The following JPH2 variants were observed in gnomAD, a reference collection of about 807,000 sequenced individuals.
JPH2 encodes junctophilin 2, also known as junctophilin-2.
In JPH2, 38 loss-of-function variants were observed where a neutral mutation model predicts 55.9. The observed-to-expected ratio is 0.68, with a 90% CI of 0.52 to 0.89. The LOEUF is 0.89. Ranked by LOEUF, JPH2 falls within the 40% of genes least tolerant of loss-of-function variation. The probability of loss-of-function intolerance (pLI) is 0.00; values close to 1 mark genes in which losing one functional copy is unlikely to be tolerated. For synonymous variants in JPH2, 480 were observed against 472.4 expected (o/e 1.02, Z -0.21); for missense variants, 964 against 1,037.6 (o/e 0.93, Z 0.97).
rs778483216 is a variant in JPH2, at chr20:44,186,358, G to A, written c.348C>T (p.Asp116=). ...YEGTWNNGLQ[D]GYGTETYADG... ...CAGCATAGGTCTCGGTGCCATAGCC[G>A]TCTTGCAGGCCATTGTTCCAGGTGC... The change falls in exon 1 of 6, where the codon GAC becomes GAT. Residue 116 remains aspartate (D), a synonymous_variant. Coordinates refer to ENST00000372980, the MANE Select transcript of JPH2 (RefSeq NM_020433.5). 1.9e-6 allele frequency: 3 copies of A among 1,611,456 alleles called. No homozygotes were observed. The highest frequency in any genetic ancestry group is 1.3e-5 in the African/African-American group (1 of 74,406).
At chr20:44,175,896 C>G (rs1208380441) in intron 1 of JPH2, among the ~76,000 whole-genome samples, 1 of 152,186 alleles carries the variant, frequency 6.6e-6, no homozygotes, top group Non-Finnish European at 1.5e-5. Flanking sequence ...AAAGGAGACC[C>G]ACCTACCTGT....
chr20:44,141,922 T>C (rs1050147487), intron 2 of JPH2, among the ~76,000 whole-genome samples: 1 of 152,198 alleles, frequency 6.6e-6, no homozygotes, highest in Admixed American at 6.5e-5. Flanking sequence ...CTTCTGGTTT[T>C]AGCAAATCCA....
At position 44,116,113 on chromosome 20, in the gene JPH2, C is replaced by T. The variant is rs1057524375; in HGVS notation, c.1562G>A (p.Ser521Asn). The change falls in exon 4 of 6, where the codon AGC becomes AAC. Residue 521 changes from serine to asparagine, a missense_variant. Ser to Asn is a conservative substitution (Grantham distance 46, BLOSUM62 1). Coordinates refer to ENST00000372980, the MANE Select transcript of JPH2 (RefSeq NM_020433.5). ...GCCCTCGGACGGAGTGACTGACCGG[C>T]TGCCCTCACCGCTGGGCTCGCCGTT... is the stretch of plus-strand genomic sequence containing the variant. ...AWNGEPSGEG[S>N]RSVTPSEGAG... 3 of 1,474,842 alleles carry T rather than the reference C, an allele frequency of 2.0e-6. No homozygotes were observed. The highest frequency in any genetic ancestry group is 2.7e-6 in the Non-Finnish European group (3 of 1,124,404). 91.4% of individuals were successfully genotyped at this position (1,474,842 alleles called of 1,614,324 possible). A position where few individuals can be genotyped will look rare whatever the true frequency, so the allele number is the denominator to read the frequency against.
rs1289294595 is a variant in JPH2 at position 44,186,356 on chromosome 20, C to T, written c.350G>A (p.Gly117Asp). The change falls in exon 1 of 6, where the codon GGC becomes GAC. Residue 117 changes from glycine (G) to aspartate (D), a missense_variant. By Grantham distance (94) the Gly-to-Asp change is moderately conservative. Coordinates refer to ENST00000372980, the MANE Select transcript of JPH2 (RefSeq NM_020433.5). ...EGTWNNGLQD[G>D]YGTETYADGG... ...ATCAGCATAGGTCTCGGTGCCATAGCCGTCTTGCAGGCCATTGTTCCAGGT... is the reference window on the plus strand; with the variant it reads ...ATCAGCATAGGTCTCGGTGCCATAGTCGTCTTGCAGGCCATTGTTCCAGGT... 8 of 1,612,474 alleles carry T rather than the reference C, an allele frequency of 5.0e-6. No individual in the cohort carries two copies. Among genetic ancestry groups the T allele is most frequent in the Non-Finnish European group, 6.8e-6 (8 of 1,179,890 alleles).
At chr20:44,141,931 C>T (rs1295384743) in intron 2 of JPH2, among the ~76,000 whole-genome samples, 3 of 152,190 alleles carry the variant, frequency 2.0e-5, no homozygotes, top group Non-Finnish European at 4.4e-5. Context: ...TTAGCAAATC[C>T]AAAAGGCAAA....
intron 1 of JPH2, among the ~76,000 whole-genome samples, chr20:44,164,911 C>T (rs555930113): frequency 6.0e-5 from 9 of 150,156 alleles, no homozygotes; most frequent in African/African-American, 2.2e-4. Context: ...AATCTTGGCT[C>T]GCTGCAACCT....
In JPH2 at chr20:44,160,360, C is replaced by G; in HGVS notation, c.427G>C (p.Val143Leu). The change falls in exon 2 of 6, where the codon GTA becomes CTA. Residue 143 changes from valine (V) to leucine (L), a missense_variant. Transcript: ENST00000372980. The surrounding 1 kb of genome is among the most constrained non-coding windows in gnomAD (Gnocchi z 4.9). ...ATCCCGTAGGGCACGCTCTGGCGTA[C>G]TCCGTAGCCATGGCGCATGCCGTTG... The part of the protein sequence containing the change: ...FTNGMRHGYG[V>L]RQSVPYGMAV... The G allele has an allele frequency of 6.2e-7, 1 of 1,602,656 alleles. No individual in the cohort carries two copies. Among genetic ancestry groups the G allele is most frequent in the Non-Finnish European group, 8.5e-7 (1 of 1,175,350 alleles).
At chr20:44,174,406 T>C (rs1433614253) in intron 1 of JPH2, among the ~76,000 whole-genome samples, 3 of 152,140 alleles carry the variant, frequency 2.0e-5, no homozygotes, top group Non-Finnish European at 4.4e-5. Context: ...CCCCCAACCC[T>C]TTTTGCATCC....
intron 2 of JPH2, among the ~76,000 whole-genome samples, chr20:44,126,168 G>GGAAGGAAGGAAGGAAGGA (rs1555854537): frequency 2.2e-4 from 8 of 36,328 alleles, no homozygotes; most frequent in African/African-American, 5.5e-4. Context: ...GGGAGGGAGG[G>GGAAGGAAGGAAGGAAGGA]AGGAAGGAAG....
At chr20:44,132,320 C>T (rs1012711821) in intron 2 of JPH2, among the ~76,000 whole-genome samples, 1 of 149,674 alleles carries the variant, frequency 6.7e-6, no homozygotes, top group Non-Finnish European at 1.5e-5. Context: ...ACAGGTTGCC[C>T]ACTGTGAATG....
intron 2 of JPH2, among the ~76,000 whole-genome samples, chr20:44,121,161 T>C (rs956230185): frequency 6.6e-6 from 1 of 152,054 alleles, no homozygotes; most frequent in Admixed American, 6.5e-5. Flanking sequence ...GAAGTTGACA[T>C]TTGAGTTGAG....
chr20:44,151,023 C>T (rs1273407896), intron 2 of JPH2, among the ~76,000 whole-genome samples: 1 of 151,996 alleles, frequency 6.6e-6, no homozygotes, highest in East Asian at 1.9e-4. Flanking sequence ...AAGCAAGACC[C>T]TATCTCAAAA....
intron 2 of JPH2, among the ~76,000 whole-genome samples, chr20:44,136,316 G>T (rs1341033229): frequency 6.6e-6 from 1 of 152,102 alleles, no homozygotes; most frequent in African/African-American, 2.4e-5. Context: ...TCTCCAGAGG[G>T]CCATGACTGT....
intron 1 of JPH2, among the ~76,000 whole-genome samples, chr20:44,175,390 T>A (rs1434217760): frequency 6.6e-6 from 1 of 152,244 alleles, no homozygotes; most frequent in African/African-American, 2.4e-5. Context: ...AAATTAACAG[T>A]CCCTTCGGTG....
intron 1 of JPH2, among the ~76,000 whole-genome samples, chr20:44,184,323 A>G (rs2145903326): frequency 6.6e-6 from 1 of 152,188 alleles, no homozygotes; most frequent in South Asian, 2.1e-4. Flanking sequence ...TCAGCTTATA[A>G]GCTGTGCAGA....
chr20:44,184,272 GTTCTTC>G (rs151002502), intron 1 of JPH2, among the ~76,000 whole-genome samples: 67 of 151,746 alleles, frequency 4.4e-4, no homozygotes, highest in African/African-American at 9.7e-4. Context: ...GTCAAAAAGT[GTTCTTC>G]TTCTTCTTCT....
chr20:44,165,944 G>C (rs2072653125), intron 1 of JPH2, among the ~76,000 whole-genome samples: 1 of 152,026 alleles, frequency 6.6e-6, no homozygotes, highest in African/African-American at 2.4e-5. Context: ...AGCATATCTA[G>C]TGCAACATAC....
At chr20:44,149,864 A>G (rs1195406097) in intron 2 of JPH2, among the ~76,000 whole-genome samples, 1 of 151,264 alleles carries the variant, frequency 6.6e-6, no homozygotes, top group Non-Finnish European at 1.5e-5. Flanking sequence ...TGTAATTCCA[A>G]CTACTGGGGA....
intron 2 of JPH2, among the ~76,000 whole-genome samples, chr20:44,126,168 G>GGGGGAGGGAGGGAGGAAGGAAGGAAGGA (rs1555854537): frequency 2.8e-5 from 1 of 36,304 alleles, no homozygotes; most frequent in Non-Finnish European, 5.1e-5. Flanking sequence ...GGGAGGGAGG[G>GGGGGAGGGAGGGAGGAAGGAAGGAAGGA]AGGAAGGAAG....
Sources: allele counts gnomAD v4.1 joint callset (sites outside exome capture counted in the v4.1 genomes callset), GRCh38; gene constraint gnomAD v4.1.1; non-coding constraint Gnocchi (gnomAD v3.1); transcripts MANE v1.5; gene names NCBI Gene and HGNC (gene_info 2026-07-23, HGNC 2026-07-21).